Variants in KMT2C observed in about 807,000 individuals in gnomAD.
The protein encoded by KMT2C is histone-lysine N-methyltransferase 2C.
In KMT2C, 88 loss-of-function variants were observed where a neutral mutation model predicts 507.9. That is an observed-to-expected ratio of 0.17 (90% CI 0.15 to 0.21). The LOEUF (loss-of-function observed/expected upper bound fraction) is 0.21. KMT2C is among the 10% of genes least tolerant of loss of function. The probability of loss-of-function intolerance (pLI) is 1.00; values close to 1 mark genes in which losing one functional copy is unlikely to be tolerated. For missense variants in KMT2C, 4,954 were observed against 5,957.8 expected (o/e 0.83, Z 5.55); for synonymous variants, 2,049 against 2,080.8 (o/e 0.98, Z 0.42).
At chr7:152,332,346 T>C (rs2096892299) in intron 2 of KMT2C, among the ~76,000 whole-genome samples, 1 of 152,242 alleles carries the variant, frequency 6.6e-6, no homozygotes, top group East Asian at 1.9e-4. Context: ...TTCCATGCTC[T>C]TGGCTGGCTC....
intron 26 of KMT2C, among the ~76,000 whole-genome samples, chr7:152,201,082 C>G (rs2094122088): frequency 6.6e-6 from 1 of 152,078 alleles, no homozygotes; most frequent in South Asian, 2.1e-4. Context: ...CAGTATAAAT[C>G]TGAGAAATCT....
intron 23 of KMT2C, 24 bp from the exon 24 acceptor site, chr7:152,207,452 C>G: frequency 1.3e-6 from 2 of 1,552,330 alleles, no homozygotes; most frequent in Non-Finnish European, 8.8e-7. Context: ...AATGTATACA[C>G]AAAACTGGAA....
intron 1 of KMT2C, among the ~76,000 whole-genome samples, chr7:152,433,545 C>T (rs1409850340): frequency 3.3e-5 from 5 of 152,142 alleles, no homozygotes; most frequent in African/African-American, 1.2e-4. Flanking sequence ...AGTTTAGACC[C>T]GTCAAATTTA....
At chr7:152,372,267 T>C (rs1052854435) in intron 1 of KMT2C, among the ~76,000 whole-genome samples, 7 of 152,150 alleles carry the variant, frequency 4.6e-5, no homozygotes, top group African/African-American at 1.7e-4. Flanking sequence ...GCGATTCACC[T>C]GCCTCAGCCT....
In KMT2C at chr7:152,278,314, T is replaced by G. The variant is rs183837352; in HGVS notation, c.850-4447A>C. On this transcript the variant is annotated intron_variant, in intron 6 of 58. Coordinates refer to ENST00000262189, the MANE Select transcript of KMT2C (RefSeq NM_170606.3). ...TTATTTTTTTGAGACAGAGTTTCAC[T>G]CTGTTGCCCAGGCTGGAGTGCAGTG... 3.4e-4 allele frequency among the ~76,000 whole-genome samples: 52 copies of G among 152,176 alleles called. 1 individual carries two copies. Among genetic ancestry groups the G allele is most frequent in the Admixed American group, 2.4e-3 (36 of 15,272 alleles).
intron 2 of KMT2C, among the ~76,000 whole-genome samples, chr7:152,356,591 T>TA (rs1189811124): frequency 2.0e-5 from 3 of 146,624 alleles, no homozygotes; most frequent in Non-Finnish European, 3.0e-5. Flanking sequence ...AAAACAAAAT[T>TA]AAAAAAAATA....
intron 1 of KMT2C, among the ~76,000 whole-genome samples, chr7:152,393,065 C>T (rs192681232): frequency 1.9e-3 from 290 of 152,224 alleles, no homozygotes; most frequent in Middle Eastern, 0.01. Flanking sequence ...TCACTGCACT[C>T]CAGCCTGGGT....
intron 6 of KMT2C, among the ~76,000 whole-genome samples, chr7:152,293,936 C>T (rs1563754573): frequency 6.6e-6 from 1 of 151,974 alleles, no homozygotes; most frequent in Non-Finnish European, 1.5e-5. Context: ...CAGCTGACTG[C>T]AACCTCTGCA....
At chr7:152,175,109 T>C (rs1441056374) in intron 38 of KMT2C, among the ~76,000 whole-genome samples, 1 of 151,744 alleles carries the variant, frequency 6.6e-6, no homozygotes, top group East Asian at 1.9e-4. Flanking sequence ...TTTGAATCTC[T>C]TAATTTACCT....
At chr7:152,178,168 T>C (rs920797433) in intron 37 of KMT2C, among the ~76,000 whole-genome samples, 158 bp from the exon 38 acceptor site, 1 of 151,902 alleles carries the variant, frequency 6.6e-6, no homozygotes, top group Non-Finnish European at 1.5e-5. Context: ...CATTAAAAAG[T>C]ATTTACAGTA....
chr7:152,359,885 C>G (rs1420893809), intron 1 of KMT2C, among the ~76,000 whole-genome samples: 5 of 151,290 alleles, frequency 3.3e-5, no homozygotes, highest in African/African-American at 4.9e-5. Context: ...TCCGTCTCTA[C>G]TAAAAATACA....
chr7:152,360,108 T>C (rs1460656484), intron 1 of KMT2C, among the ~76,000 whole-genome samples: 1 of 133,766 alleles, frequency 7.5e-6, no homozygotes, highest in Non-Finnish European at 1.6e-5. Flanking sequence ...AAAAGAATAA[T>C]ATGAAAAAAG....
chr7:152,321,513 T>C (rs1014894411), intron 3 of KMT2C, among the ~76,000 whole-genome samples: 2 of 151,804 alleles, frequency 1.3e-5, no homozygotes, highest in Non-Finnish European at 2.9e-5. Flanking sequence ...ATCTTATATA[T>C]GGAAAACCCT....
intron 1 of KMT2C, among the ~76,000 whole-genome samples, chr7:152,391,425 A>G (rs1207215158): frequency 2.0e-5 from 3 of 150,968 alleles, no homozygotes; most frequent in Admixed American, 2.0e-4. Flanking sequence ...TATTTTTAGT[A>G]GAGACAGGGT....
chr7:152,351,739 T>C (rs1335816159), intron 2 of KMT2C, among the ~76,000 whole-genome samples: 1 of 152,210 alleles, frequency 6.6e-6, no homozygotes, highest in African/African-American at 2.4e-5. Context: ...TGAACATAAA[T>C]TGTGAAGATT....
At chr7:152,308,337 T>C (rs1052151793) in intron 6 of KMT2C, among the ~76,000 whole-genome samples, 2 of 152,162 alleles carry the variant, frequency 1.3e-5, no homozygotes, top group African/African-American at 4.8e-5. Context: ...CCAGTTTTAA[T>C]ATTCCATTGG....
rs565505870 is a variant in KMT2C at position 152,432,849 on chromosome 7, C to T, written c.161+2777G>A. ...TAAATACATAAATCCACTTCATTGT[C>T]AAAAGGCATCTTCTCAGCGGGGTGC... is the stretch of plus-strand genomic sequence containing the variant. On this transcript the variant is annotated intron_variant, in intron 1 of 58. Transcript: ENST00000262189. Among the ~76,000 whole-genome samples, 8 of 152,190 alleles carry T rather than the reference C, an allele frequency of 5.3e-5. 1 individual carries two copies. The South Asian group carries it at 1.7e-3, about 32-fold the overall frequency.
intron 6 of KMT2C, among the ~76,000 whole-genome samples, chr7:152,301,833 A>G (rs2096571619): frequency 6.6e-6 from 1 of 152,232 alleles, no homozygotes; most frequent in Non-Finnish European, 1.5e-5. Flanking sequence ...ATACTAGCAA[A>G]TTACCTTACG....
At position 152,304,605 on chromosome 7, in the gene KMT2C, C is replaced by T. The variant is rs113178202; in HGVS notation, c.849+5361G>A. The stretch of plus-strand genomic sequence containing the variant: ...TGCATTCTCAATGTTGAAATGTCAT[C>T]TTTATCTTGAAGGGGCAGGTTAAGT... On this transcript the variant is annotated intron_variant, in intron 6 of 58. Coordinates refer to ENST00000262189, the MANE Select transcript of KMT2C (RefSeq NM_170606.3). 5.6e-3 allele frequency among the ~76,000 whole-genome samples: 853 copies of T among 152,304 alleles called. 4 individuals are homozygous for T. The highest frequency in any genetic ancestry group is 8.1e-3 in the Non-Finnish European group (550 of 68,022).
Sources: allele counts gnomAD v4.1 joint callset (sites outside exome capture counted in the v4.1 genomes callset), GRCh38; gene constraint gnomAD v4.1.1; transcripts MANE v1.5; gene names NCBI Gene and HGNC (gene_info 2026-07-23, HGNC 2026-07-21).